SLC4A10: variants seen among roughly 807,000 people sequenced by gnomAD.
SLC4A10 encodes the protein sodium-driven chloride bicarbonate exchanger.
A neutral mutation model predicts 137.7 loss-of-function variants in SLC4A10; 42 were observed. That is an observed-to-expected ratio of 0.30 (90% CI 0.24 to 0.39). The LOEUF is 0.39. Among genes scored for constraint, SLC4A10 ranks in the 10% least tolerant of loss-of-function variants. SLC4A10 has a pLI of 1.00. For synonymous variants in SLC4A10, 474 were observed against 464.1 expected (o/e 1.02, Z -0.27); for missense variants, 925 against 1,355.0 (o/e 0.68, Z 4.98).
intron 1 of SLC4A10, among the ~76,000 whole-genome samples, chr2:161,757,989 A>G (rs1033029929): frequency 1.3e-5 from 2 of 151,956 alleles, no homozygotes; most frequent in Non-Finnish European, 2.9e-5. Context: ...GTATATTTTT[A>G]CTCACCCATT....
intron 1 of SLC4A10, among the ~76,000 whole-genome samples, chr2:161,715,460 C>A (rs2044749149): frequency 6.6e-6 from 1 of 152,008 alleles, no homozygotes; most frequent in South Asian, 2.1e-4. Context: ...GTATTAAGCC[C>A]AGCATGCATT....
chr2:161,833,457 C>A (rs1222581010), intron 3 of SLC4A10, among the ~76,000 whole-genome samples: 1 of 152,092 alleles, frequency 6.6e-6, no homozygotes, highest in African/African-American at 2.4e-5. Flanking sequence ...TATAAGTGAC[C>A]CCCTGGAGAA....
In SLC4A10 at chr2:161,708,433, A is replaced by G. The variant is rs569577308; in HGVS notation, c.49-62540A>G. ...TGAAAAAATTCAACTCTCCTTGGCAAATGAAGTCTTCATAGTATCAGAAAT... is the reference window on the plus strand; with the variant it reads ...TGAAAAAATTCAACTCTCCTTGGCAGATGAAGTCTTCATAGTATCAGAAAT... On this transcript the variant is annotated intron_variant, in intron 1 of 26. Coordinates refer to ENST00000446997, the MANE Select transcript of SLC4A10 (RefSeq NM_001178015.2). Among the ~76,000 whole-genome samples, 5 of 151,718 alleles carry G rather than the reference A, an allele frequency of 3.3e-5. No individual in the cohort carries two copies. The East Asian group carries it at 9.7e-4, about 29-fold the overall frequency.
intron 10 of SLC4A10, among the ~76,000 whole-genome samples, chr2:161,891,173 C>T (rs2062872933): frequency 6.6e-6 from 1 of 152,162 alleles, no homozygotes; most frequent in Non-Finnish European, 1.5e-5. Context: ...CACTGTTAGT[C>T]TGATGGGGTT....
chr2:161,812,679 T>G (rs1368174026), intron 3 of SLC4A10, among the ~76,000 whole-genome samples: 2 of 152,148 alleles, frequency 1.3e-5, no homozygotes, highest in African/African-American at 2.4e-5. Context: ...GCATTCATGT[T>G]ACTGCAAAAG....
intron 6 of SLC4A10, among the ~76,000 whole-genome samples, chr2:161,869,248 G>A (rs2060960524): frequency 6.6e-6 from 1 of 151,544 alleles, no homozygotes; most frequent in East Asian, 1.9e-4. Context: ...TTAGACATCA[G>A]CAAGAAAATA....
At chr2:161,732,629 C>T (rs530534065) in intron 1 of SLC4A10, among the ~76,000 whole-genome samples, 15 of 152,274 alleles carry the variant, frequency 9.9e-5, no homozygotes, top group East Asian at 3.9e-4. Flanking sequence ...TATCACATCC[C>T]GAAAGCAGGA....
At chr2:161,755,947 C>T (rs757416820) in intron 1 of SLC4A10, among the ~76,000 whole-genome samples, 5 of 151,618 alleles carry the variant, frequency 3.3e-5, no homozygotes, top group Non-Finnish European at 7.4e-5. Context: ...TTTTTTGTAT[C>T]TTTAGTAAAG....
intron 1 of SLC4A10, among the ~76,000 whole-genome samples, chr2:161,628,760 G>T (rs1171152866): frequency 6.6e-6 from 1 of 151,986 alleles, no homozygotes; most frequent in Non-Finnish European, 1.5e-5. Context: ...AGTGACTATG[G>T]AAATAAAATA....
At chr2:161,723,177 G>T (rs2045874608) in intron 1 of SLC4A10, among the ~76,000 whole-genome samples, 1 of 152,154 alleles carries the variant, frequency 6.6e-6, no homozygotes. Flanking sequence ...AGGCACTAGT[G>T]GCATGGGTTC....
intron 1 of SLC4A10, among the ~76,000 whole-genome samples, chr2:161,654,767 T>G (rs554511350): frequency 1.3e-5 from 2 of 152,310 alleles, no homozygotes; most frequent in Non-Finnish European, 2.9e-5. Context: ...CATGCTATTT[T>G]AATTATTGTA....
intron 15 of SLC4A10, among the ~76,000 whole-genome samples, chr2:161,941,682 AG>A (rs2105752141): frequency 6.6e-6 from 1 of 152,258 alleles, no homozygotes; most frequent in Non-Finnish European, 1.5e-5. Flanking sequence ...ACAAAAAGCA[AG>A]GGGCAGCGTA....
chr2:161,916,087 T>C (rs965901733), intron 15 of SLC4A10, among the ~76,000 whole-genome samples: 1 of 152,202 alleles, frequency 6.6e-6, no homozygotes, highest in South Asian at 2.1e-4. Context: ...ACCTTGATCT[T>C]GGACTTCCAG....
intron 2 of SLC4A10, 115 bp from the exon 3 acceptor site, chr2:161,804,334 A>G: frequency 1.7e-6 from 2 of 1,181,952 alleles, no homozygotes; most frequent in Admixed American, 5.5e-5. Context: ...TATCATAAAC[A>G]TCAAAAATGA....
At chr2:161,809,777 T>C (rs2125628300) in intron 3 of SLC4A10, among the ~76,000 whole-genome samples, 1 of 152,266 alleles carries the variant, frequency 6.6e-6, no homozygotes, top group Middle Eastern at 3.4e-3. Flanking sequence ...TGGGTTAATG[T>C]AGCCATAGAG....
At chr2:161,977,650 A>T (rs1167225197) in intron 25 of SLC4A10, 72 bp from the exon 26 acceptor site, 1 of 1,307,656 alleles carries the variant, frequency 7.6e-7, no homozygotes, top group Non-Finnish European at 1.1e-6. Context: ...CTATAATTAT[A>T]AAGTTCCTTT....
intron 16 of SLC4A10, among the ~76,000 whole-genome samples, chr2:161,944,890 A>G (rs770571215): frequency 4.0e-5 from 6 of 151,542 alleles, no homozygotes; most frequent in Non-Finnish European, 7.4e-5. Flanking sequence ...ACTAGTGGCT[A>G]TCACAACTAA....
intron 15 of SLC4A10, among the ~76,000 whole-genome samples, chr2:161,936,576 A>G (rs1411629457): frequency 6.6e-6 from 1 of 152,024 alleles, no homozygotes; most frequent in Non-Finnish European, 1.5e-5. Context: ...TTGGATAATA[A>G]TTGTTTATAG....
At chr2:161,632,645 T>C (rs974347528) in intron 1 of SLC4A10, among the ~76,000 whole-genome samples, 5 of 151,486 alleles carry the variant, frequency 3.3e-5, no homozygotes, top group Non-Finnish European at 7.4e-5. Context: ...AACCTTACTC[T>C]TGAGGACCAC....
Sources: allele counts gnomAD v4.1 joint callset (sites outside exome capture counted in the v4.1 genomes callset), GRCh38; gene constraint gnomAD v4.1.1; transcripts MANE v1.5; gene names NCBI Gene and HGNC (gene_info 2026-07-23, HGNC 2026-07-21).